RIMS1: variants seen among roughly 807,000 people sequenced by gnomAD.
RIMS1 encodes regulating synaptic membrane exocytosis protein 1.
A neutral mutation model predicts 214.1 loss-of-function variants in RIMS1; 83 were observed. The observed-to-expected ratio is 0.39, with a 90% CI of 0.32 to 0.47. The LOEUF is 0.47. RIMS1 is among the 20% of genes least tolerant of loss of function. RIMS1 has a pLI of 0.99. For missense variants in RIMS1, 2,050 were observed against 2,161.8 expected, an observed-to-expected ratio of 0.95 and a Z score of 1.03; for synonymous variants, 793 against 786.8, an observed-to-expected ratio of 1.01 and a Z score of -0.13.
intron 6 of RIMS1, among the ~76,000 whole-genome samples, chr6:72,208,646 C>CT (rs1020820560): frequency 2.6e-5 from 4 of 152,116 alleles, no homozygotes; most frequent in African/African-American, 9.7e-5. Context: ...AAAAGGTCTC[C>CT]TGTAGGTAAT....
chr6:72,219,039 G>A lies in RIMS1; in HGVS notation c.1679-14734G>A, dbSNP rs117391605. 3.5e-4 allele frequency among the ~76,000 whole-genome samples: 54 copies of A among 152,260 alleles called. No homozygotes were observed. The East Asian group carries it at 9.4e-3, about 27-fold the overall frequency. ...TCCTGGCAAGGAGGGTTCTGTTAGA[G>A]AAATGAAGAAGTCATTTGGAAAACA... On this transcript the variant is annotated intron_variant, in intron 6 of 33. Coordinates refer to ENST00000521978, the MANE Select transcript of RIMS1 (RefSeq NM_014989.7).
chr6:71,919,882 A>G (rs554281271), intron 1 of RIMS1, among the ~76,000 whole-genome samples: 83 of 152,294 alleles, frequency 5.4e-4, no homozygotes, highest in African/African-American at 1.8e-3. Flanking sequence ...ATCCTTTGCA[A>G]TTGATGGATG....
At chr6:71,977,153 C>T (rs1583961049) in intron 2 of RIMS1, among the ~76,000 whole-genome samples, 3 of 152,182 alleles carry the variant, frequency 2.0e-5, no homozygotes, top group African/African-American at 7.2e-5. Context: ...AATATAATTT[C>T]TCTCAATGTC....
At chr6:72,327,699 G>A (rs78210723) in intron 28 of RIMS1, among the ~76,000 whole-genome samples, 1 of 151,716 alleles carries the variant, frequency 6.6e-6, no homozygotes, top group African/African-American at 2.4e-5. Flanking sequence ...TTTTATTATA[G>A]CCATCCTAGT....
intron 13 of RIMS1, 147 bp from the exon 14 acceptor site, chr6:72,250,774 A>G: frequency 1.8e-6 from 1 of 569,728 alleles, no homozygotes; most frequent in South Asian, 2.9e-5. Flanking sequence ...TGAAGTTAGA[A>G]TATTATTAAA....
chr6:72,333,855 C>G lies in RIMS1; in HGVS notation c.4366+20C>G, dbSNP rs1177300958. 1 of 1,500,584 alleles carries G rather than the reference C, an allele frequency of 6.7e-7. No homozygotes were observed. Among genetic ancestry groups the G allele is most frequent in the African/African-American group, 1.4e-5 (1 of 72,160 alleles). 93.0% of individuals were successfully genotyped at this position (1,500,584 alleles called of 1,614,324 possible). A position where few individuals can be genotyped will look rare whatever the true frequency, so the allele number is the denominator to read the frequency against. On this transcript the variant is annotated intron_variant, in intron 29 of 33. Transcript: ENST00000521978. Reference sequence around the variant, plus strand: ...AAACAGGTGAGTGATGTGAATTCAACCTAAACAACTCAATTCTTTTATGGA... The same window carrying G: ...AAACAGGTGAGTGATGTGAATTCAAGCTAAACAACTCAATTCTTTTATGGA...
At chr6:72,226,809 A>G (rs1233112169) in intron 6 of RIMS1, among the ~76,000 whole-genome samples, 1 of 152,082 alleles carries the variant, frequency 6.6e-6, no homozygotes, top group Non-Finnish European at 1.5e-5. Flanking sequence ...TATTTTGGTT[A>G]CAATCACTAA....
intron 1 of RIMS1, among the ~76,000 whole-genome samples, chr6:71,947,644 G>A (rs775515657): frequency 7.9e-5 from 12 of 152,090 alleles, no homozygotes; most frequent in Admixed American, 3.3e-4. Context: ...GATGGCTGCC[G>A]TTAATAACAA....
chr6:72,171,511 T>C (rs2047032559), intron 4 of RIMS1, among the ~76,000 whole-genome samples: 1 of 152,136 alleles, frequency 6.6e-6, no homozygotes. Flanking sequence ...CTGATAATGC[T>C]TACTTACTAT....
At chr6:71,977,589 C>T (rs1797471464) in intron 2 of RIMS1, among the ~76,000 whole-genome samples, 2 of 152,074 alleles carry the variant, frequency 1.3e-5, no homozygotes, top group Admixed American at 1.3e-4. Flanking sequence ...AAGAGAGCTA[C>T]ACTGGGAAAA....
At chr6:72,273,290 A>G (rs1258712739) in intron 22 of RIMS1, among the ~76,000 whole-genome samples, 1 of 152,162 alleles carries the variant, frequency 6.6e-6, no homozygotes, top group African/African-American at 2.4e-5. Context: ...TTGAAATGGT[A>G]GGACTAGACT....
chr6:72,173,204 C>T (rs2047255894), intron 4 of RIMS1, among the ~76,000 whole-genome samples: 1 of 152,032 alleles, frequency 6.6e-6, no homozygotes, highest in Non-Finnish European at 1.5e-5. Flanking sequence ...ATTCTGATAC[C>T]ATTCTATTTC....
At chr6:72,081,847 T>C (rs930508589) in intron 2 of RIMS1, among the ~76,000 whole-genome samples, 1 of 152,218 alleles carries the variant, frequency 6.6e-6, no homozygotes, top group African/African-American at 2.4e-5. Flanking sequence ...ACACCTGTTA[T>C]GTTATTTAGA....
chr6:72,366,356 T>G (rs1456936012), intron 29 of RIMS1, among the ~76,000 whole-genome samples: 2 of 152,230 alleles, frequency 1.3e-5, no homozygotes, highest in African/African-American at 4.8e-5. Flanking sequence ...TTAAACAAAC[T>G]TATCCTGGAA....
At chr6:72,289,046 T>C (rs1299792130) in intron 24 of RIMS1, among the ~76,000 whole-genome samples, 2 of 152,212 alleles carry the variant, frequency 1.3e-5, no homozygotes, top group African/African-American at 4.8e-5. Flanking sequence ...CTTTTTATAC[T>C]TTTGCCATTT....
At chr6:72,244,741 G>GTA (rs1258681066) in intron 10 of RIMS1, among the ~76,000 whole-genome samples, 1 of 151,764 alleles carries the variant, frequency 6.6e-6, no homozygotes, top group Admixed American at 6.6e-5. Context: ...TTTTTAGGAA[G>GTA]TATAAATTAT....
intron 1 of RIMS1, among the ~76,000 whole-genome samples, chr6:71,926,280 C>A (rs915080488): frequency 2.0e-5 from 3 of 152,170 alleles, no homozygotes; most frequent in African/African-American, 7.2e-5. Flanking sequence ...TATGTTTAAT[C>A]TATTAGATAG....
At chr6:72,303,282 A>G (rs117266206) in intron 26 of RIMS1, among the ~76,000 whole-genome samples, 49 of 150,906 alleles carry the variant, frequency 3.2e-4, no homozygotes, top group South Asian at 1.5e-3. Flanking sequence ...TTTTAAAGTC[A>G]TAGGCCTTTT....
intron 2 of RIMS1, among the ~76,000 whole-genome samples, chr6:72,065,374 C>T (rs1244769552): frequency 1.3e-5 from 2 of 152,184 alleles, no homozygotes; most frequent in East Asian, 1.9e-4. Flanking sequence ...AATAATAACA[C>T]TGCCTAATTT....
Sources: gnomAD v4.1 joint callset for allele counts (sites outside exome capture counted in the v4.1 genomes callset) on GRCh38, gnomAD v4.1.1 for gene constraint, MANE v1.5 for transcripts, NCBI Gene and HGNC (gene_info 2026-07-23, HGNC 2026-07-21) for gene names.